Variants in PDE10A observed in about 807,000 individuals in gnomAD.
PDE10A encodes the protein phosphodiesterase 10A.
In PDE10A, 39 loss-of-function variants were observed where a neutral mutation model predicts 97.7. That is an observed-to-expected ratio of 0.40 (90% CI 0.31 to 0.52). The LOEUF is 0.52. PDE10A is among the 20% of genes least tolerant of loss of function. PDE10A has a pLI of 0.56. For missense variants in PDE10A, 731 were observed against 1,047.8 expected, an observed-to-expected ratio of 0.70 and a Z score of 4.17; for synonymous variants, 371 against 376.8, an observed-to-expected ratio of 0.98 and a Z score of 0.18.
At chr6:165,979,595 C>T (rs1784949908) in intron 1 of PDE10A, among the ~76,000 whole-genome samples, 1 of 152,168 alleles carries the variant, frequency 6.6e-6, no homozygotes, top group Non-Finnish European at 1.5e-5. Context: ...CATAATGTCA[C>T]TCAACAAGAA....
chr6:165,603,569 G>A (rs1787069065), intron 1 of PDE10A, among the ~76,000 whole-genome samples: 1 of 152,218 alleles, frequency 6.6e-6, no homozygotes, highest in Non-Finnish European at 1.5e-5. Flanking sequence ...ATTTCCTGAG[G>A]TACCTTTAAG....
chr6:165,630,231 C>T (rs1453681208), intron 1 of PDE10A, among the ~76,000 whole-genome samples: 1 of 152,036 alleles, frequency 6.6e-6, no homozygotes, highest in Non-Finnish European at 1.5e-5. Flanking sequence ...ACCTCTAATC[C>T]CAGCTACCCA....
intron 1 of PDE10A, chr6:165,910,850 G>A (rs935651871): frequency 6.6e-6 from 1 of 152,190 alleles, no homozygotes; most frequent in Non-Finnish European, 1.5e-5. Flanking sequence ...GCCATTCCAA[G>A]CCATGGTTTC....
chr6:165,601,060 G>A (rs886827273), intron 1 of PDE10A, among the ~76,000 whole-genome samples: 6 of 152,194 alleles, frequency 3.9e-5, no homozygotes, highest in Admixed American at 3.3e-4. Flanking sequence ...GGGACCCAGG[G>A]GGGTGGTAAT....
intron 1 of PDE10A, among the ~76,000 whole-genome samples, chr6:165,748,750 G>A (rs990105273): frequency 6.6e-6 from 1 of 152,156 alleles, no homozygotes; most frequent in African/African-American, 2.4e-5. Flanking sequence ...AATGCACACA[G>A]TGCGTGAAGT....
At chr6:165,351,185 G>C (rs1174850072) in intron 18 of PDE10A, among the ~76,000 whole-genome samples, 2 of 152,024 alleles carry the variant, frequency 1.3e-5, no homozygotes, top group Non-Finnish European at 2.9e-5. Flanking sequence ...ATTGGGCTTT[G>C]GTTGTTTCAT....
chr6:165,603,596 C>G (rs1206353265), intron 1 of PDE10A, among the ~76,000 whole-genome samples: 1 of 152,194 alleles, frequency 6.6e-6, no homozygotes, highest in Admixed American at 6.5e-5. Flanking sequence ...CTAAGTGGCT[C>G]AGATGAAAGC....
intron 3 of PDE10A, 34 bp downstream of exon 3, chr6:165,482,281 C>T (rs1779649691): frequency 2.9e-6 from 4 of 1,371,486 alleles, no homozygotes; most frequent in Non-Finnish European, 4.2e-6. Flanking sequence ...ATTTCCTATA[C>T]TGCAGTAGTA....
chr6:165,730,749 C>CAAA (rs1792412441), intron 1 of PDE10A, among the ~76,000 whole-genome samples: 9 of 37,316 alleles, frequency 2.4e-4, no homozygotes, highest in African/African-American at 9.3e-4. Flanking sequence ...TGAGATTCCA[C>CAAA]CAAAAAAAAA....
rs1024804921 is a variant in PDE10A at position 165,328,043 on chromosome 6, T to G, written c.*4982A>C. 1 of 152,276 alleles carries G rather than the reference T, an allele frequency of 6.6e-6. No individual in the cohort carries two copies. Among genetic ancestry groups the G allele is most frequent in the Middle Eastern group, 3.4e-3 (1 of 294 alleles). 9.4% of individuals were successfully genotyped at this position (152,276 alleles called of 1,614,324 possible). ...ATGAAGATGCTGCATTTGTACAAAT[T>G]TTGGTAACTATTTCACAGTGTGTTG... On this transcript the variant is annotated 3_prime_UTR_variant, in exon 22 of 22. Coordinates refer to ENST00000539869, the MANE Select transcript of PDE10A (RefSeq NM_001385079.1).
At chr6:165,865,522 G>A (rs922537694) in intron 1 of PDE10A, among the ~76,000 whole-genome samples, 1 of 151,918 alleles carries the variant, frequency 6.6e-6, no homozygotes, top group African/African-American at 2.4e-5. Flanking sequence ...AGATACAAGA[G>A]AGCACACAAA....
At chr6:165,824,398 A>G (rs1779665610) in intron 1 of PDE10A, among the ~76,000 whole-genome samples, 1 of 152,248 alleles carries the variant, frequency 6.6e-6, no homozygotes, top group East Asian at 1.9e-4. Flanking sequence ...TTATGGACTC[A>G]AGAAGCTTTT....
chr6:165,939,995 G>T (rs1192265171), intron 1 of PDE10A: 1 of 152,264 alleles, frequency 6.6e-6, no homozygotes. Context: ...TTGGGCAGCA[G>T]AAGAGGTCAT....
intron 13 of PDE10A, chr6:165,409,508 T>A (rs1172304131): frequency 6.5e-6 from 1 of 153,274 alleles, no homozygotes; most frequent in African/African-American, 2.4e-5. Context: ...GATCACGTAA[T>A]TGCGCTACAG....
At chr6:165,890,205 C>T (rs988194499) in intron 1 of PDE10A, among the ~76,000 whole-genome samples, 3 of 152,046 alleles carry the variant, frequency 2.0e-5, no homozygotes, top group Non-Finnish European at 4.4e-5. Context: ...TGTCATCATG[C>T]AAGTAAAAAG....
intron 1 of PDE10A, among the ~76,000 whole-genome samples, chr6:165,563,247 AGAGG>A (rs1425443961): frequency 1.6e-5 from 2 of 128,074 alleles, no homozygotes; most frequent in South Asian, 2.8e-4. Flanking sequence ...GGAGAGGGAG[AGAGG>A]GAGGGAGGGA....
At chr6:165,809,905 C>A (rs1446534849) in intron 1 of PDE10A, among the ~76,000 whole-genome samples, 3 of 152,130 alleles carry the variant, frequency 2.0e-5, no homozygotes, top group Admixed American at 6.5e-5. Context: ...CCCAGAAAAC[C>A]CCAAAGCCCA....
chr6:165,873,618 T>A (rs1026773569), intron 1 of PDE10A, among the ~76,000 whole-genome samples: 2 of 152,192 alleles, frequency 1.3e-5, no homozygotes, highest in South Asian at 4.1e-4. Context: ...TTAAAAAAAC[T>A]TATTTGGGTT....
At chr6:165,797,106 T>C (rs1314752852) in intron 1 of PDE10A, among the ~76,000 whole-genome samples, 1 of 152,208 alleles carries the variant, frequency 6.6e-6, no homozygotes, top group Admixed American at 6.5e-5. Flanking sequence ...CAAGTGACCC[T>C]TGGTTTAGTG....
Sources: allele counts gnomAD v4.1 joint callset (sites outside exome capture counted in the v4.1 genomes callset), GRCh38; gene constraint gnomAD v4.1.1; transcripts MANE v1.5; gene names NCBI Gene and HGNC (gene_info 2026-07-23, HGNC 2026-07-21).